The following TAFA5 variants were observed in gnomAD, a reference collection of about 807,000 sequenced individuals.
The protein encoded by TAFA5 is TAFA chemokine like family member 5, also known as chemokine-like protein TAFA-5.
TAFA5 carries 6 observed loss-of-function variants against 15.3 expected under a neutral mutation model. The ratio of observed to expected loss-of-function variants is 0.39; its 90% CI spans 0.21 to 0.77. The LOEUF (loss-of-function observed/expected upper bound fraction) is 0.77, where lower values mean the gene tolerates loss of function less well. Among genes scored for constraint, TAFA5 ranks in the 30% least tolerant of loss-of-function variants. The pLI, the probability that TAFA5 is intolerant of heterozygous loss-of-function variation, is 0.41. For missense variants in TAFA5, 161 were observed against 193.1 expected (o/e 0.83, Z 0.98); for synonymous variants, 103 against 80.7 (o/e 1.28, Z -1.48).
intron 1 of TAFA5, among the ~76,000 whole-genome samples, chr22:48,605,982 G>C (rs530118674): frequency 3.3e-5 from 5 of 152,312 alleles, no homozygotes; most frequent in African/African-American, 9.6e-5. Context: ...TCTGTGTGCT[G>C]GGTGGCTGGA....
chr22:48,707,907 G>T, intron 3 of TAFA5, 63 bp downstream of exon 3: 2 of 1,564,010 alleles, frequency 1.3e-6, no homozygotes, highest in Non-Finnish European at 1.7e-6. Context: ...GCGGGCCTCC[G>T]ACGCCACCCG....
intron 1 of TAFA5, among the ~76,000 whole-genome samples, chr22:48,547,951 C>A (rs916819142): frequency 6.6e-6 from 1 of 152,348 alleles, no homozygotes; most frequent in Middle Eastern, 3.4e-3. Context: ...TCACTGAGAA[C>A]CTACCCTCGA....
At chr22:48,678,107 G>A (rs1463449880) in intron 2 of TAFA5, among the ~76,000 whole-genome samples, 1 of 152,128 alleles carries the variant, frequency 6.6e-6, no homozygotes, top group Non-Finnish European at 1.5e-5. Context: ...CAGTTCCCTG[G>A]TCCTCCTGAG....
chr22:48,743,483 A>G (rs1191427289), intron 3 of TAFA5, among the ~76,000 whole-genome samples: 4 of 152,208 alleles, frequency 2.6e-5, no homozygotes, highest in Non-Finnish European at 5.9e-5. Context: ...CTGCCAAGTA[A>G]GACCCCATGC....
chr22:48,639,304 T>G (rs1164720941), intron 1 of TAFA5, among the ~76,000 whole-genome samples: 1 of 152,234 alleles, frequency 6.6e-6, no homozygotes, highest in East Asian at 1.9e-4. Flanking sequence ...GCCCCTCAGC[T>G]GCACCTTGTT....
chr22:48,652,007 G>A lies in TAFA5; in HGVS notation c.262+5261G>A, dbSNP rs575276449. On this transcript the variant is annotated intron_variant, in intron 2 of 3. Coordinates refer to ENST00000402357, the MANE Select transcript of TAFA5 (RefSeq NM_001082967.3). ...CTCTTGCCTTTCCCCGTTGTTGACC[G>A]TCATCATGCCTAGCTGCTCATGATG... 1.1e-4 allele frequency among the ~76,000 whole-genome samples: 16 copies of A among 152,306 alleles called. No homozygotes were observed. In the South Asian group the frequency reaches 2.5e-3, roughly 24 times the overall value.
chr22:48,572,095 C>T (rs767870330), intron 1 of TAFA5, among the ~76,000 whole-genome samples: 10 of 152,120 alleles, frequency 6.6e-5, no homozygotes, highest in Admixed American at 1.3e-4. Context: ...ATCACAATTA[C>T]GGTTATGATT....
intron 2 of TAFA5, among the ~76,000 whole-genome samples, chr22:48,678,878 G>A (rs111269111): frequency 1.1e-4 from 7 of 65,056 alleles, no homozygotes; most frequent in South Asian, 8.9e-4. Context: ...CCAGGGCACC[G>A]TCCCGGCTCC....
intron 1 of TAFA5, among the ~76,000 whole-genome samples, chr22:48,586,706 G>T (rs187428977): frequency 6.6e-6 from 1 of 152,364 alleles, no homozygotes; most frequent in Admixed American, 6.5e-5. Context: ...TCCTGGGAAG[G>T]TGGCTTGGAC....
intron 1 of TAFA5, among the ~76,000 whole-genome samples, chr22:48,505,953 A>C (rs552868793): frequency 9.1e-4 from 139 of 152,194 alleles, no homozygotes; most frequent in African/African-American, 3.2e-3. Context: ...CTACAGAGAC[A>C]CTCTAATGGG....
intron 1 of TAFA5, chr22:48,546,496 GC>G (rs769157824): frequency 4.2e-6 from 2 of 471,166 alleles, no homozygotes; most frequent in South Asian, 3.1e-5. Flanking sequence ...GTGTGTGGAC[GC>G]CCCTGTTTTT....
intron 1 of TAFA5, among the ~76,000 whole-genome samples, chr22:48,563,186 G>C (rs1923296512): frequency 6.6e-6 from 1 of 152,142 alleles, no homozygotes; most frequent in Admixed American, 6.5e-5. Flanking sequence ...TGGACAAGTG[G>C]CCCCCTCATC....
rs1601688081 is a variant in TAFA5 at position 48,707,799 on chromosome 22, A to C, written c.345A>C (p.Ser115=). ...GCTGCGACTTGTTAATCAACCGGTC[A>C]GGCTGGACGTGCACGCAGCCCGGCG... is the stretch of plus-strand genomic sequence containing the variant. ...GEGCDLLINR[S]GWTCTQPGGR... The change falls in exon 3 of 4, where the codon TCA becomes TCC. Residue 115 remains serine (S), a synonymous_variant. Transcript: ENST00000402357. The C allele has an allele frequency of 6.2e-6, 10 of 1,613,888 alleles. No homozygotes were observed. Among genetic ancestry groups the C allele is most frequent in the African/African-American group, 5.3e-5 (4 of 75,070 alleles).
At chr22:48,534,626 C>T (rs1004811256) in intron 1 of TAFA5, among the ~76,000 whole-genome samples, 13 of 152,296 alleles carry the variant, frequency 8.5e-5, no homozygotes, top group East Asian at 1.9e-4. Context: ...GCTTCACTTC[C>T]GGGAATATCT....
chr22:48,538,654 C>T (rs377133415), intron 1 of TAFA5, among the ~76,000 whole-genome samples: 3 of 152,186 alleles, frequency 2.0e-5, no homozygotes, highest in Non-Finnish European at 4.4e-5. Flanking sequence ...GTCTCTTCCA[C>T]GCGTCTCTGT....
In TAFA5 at chr22:48,638,443, C is replaced by CCCCCCA. The variant is rs758538449; in HGVS notation, c.113-8154_113-8153insCCCCCA. ...GGGACACCGCACACAGGCAGCACCCCTCCCCCGACACTAAGCCCTGGGTCA... is the reference window on the plus strand; with the variant it reads ...GGGACACCGCACACAGGCAGCACCCCCCCCCATCCCCCGACACTAAGCCCTGGGTCA... On this transcript the variant is annotated intron_variant, in intron 1 of 3. Coordinates refer to ENST00000402357, the MANE Select transcript of TAFA5 (RefSeq NM_001082967.3). Among the ~76,000 whole-genome samples the CCCCCCA allele has an allele frequency of 5.2e-3, 348 of 67,278 alleles. 2 individuals are homozygous for CCCCCCA. Among genetic ancestry groups the CCCCCCA allele is most frequent in the Admixed American group, 0.018 (104 of 5,792 alleles). 44.1% of individuals were successfully genotyped at this position (67,278 alleles called of 152,430 possible).
chr22:48,517,206 A>G (rs1045909463), intron 1 of TAFA5, among the ~76,000 whole-genome samples: 2 of 152,080 alleles, frequency 1.3e-5, no homozygotes, highest in Non-Finnish European at 2.9e-5. Context: ...TCGGACGTCC[A>G]CCTGAGGTCC....
chr22:48,507,080 A>C (rs1223667732), intron 1 of TAFA5, among the ~76,000 whole-genome samples: 1 of 152,094 alleles, frequency 6.6e-6, no homozygotes, highest in Admixed American at 6.5e-5. Context: ...GATGGTCATC[A>C]AGGGCCAGGT....
At chr22:48,710,477 T>G in intron 3 of TAFA5, among the ~76,000 whole-genome samples, 1 of 152,128 alleles carries the variant, frequency 6.6e-6, no homozygotes, top group East Asian at 1.9e-4. Context: ...CAGGGACCCC[T>G]TCACCCACCC....
Sources: allele counts gnomAD v4.1 joint callset (sites outside exome capture counted in the v4.1 genomes callset), GRCh38; gene constraint gnomAD v4.1.1; transcripts MANE v1.5; gene names NCBI Gene and HGNC (gene_info 2026-07-23, HGNC 2026-07-21).